The following FBXL7 variants were observed in gnomAD, a reference collection of about 807,000 sequenced individuals.
FBXL7 encodes the protein F-box/LRR-repeat protein 7.
Under a neutral mutation model 38.3 loss-of-function variants are expected in FBXL7, and 12 were observed. That is an observed-to-expected ratio of 0.31 (90% CI 0.20 to 0.51). The LOEUF is 0.51. FBXL7 is among the 20% of genes least tolerant of loss of function. The pLI is 0.98. For missense variants in FBXL7, 567 were observed against 676.4 expected (o/e 0.84, Z 1.79); for synonymous variants, 297 against 300.9 (o/e 0.99, Z 0.13).
At chr5:15,634,313 CTTTTTTTTTTTT>C (rs57823645) in intron 2 of FBXL7, among the ~76,000 whole-genome samples, 6 of 112,272 alleles carry the variant, frequency 5.3e-5, no homozygotes, top group South Asian at 3.2e-4. Context: ...ATGTTCGTTT[CTTTTTTTTTTTT>C]TTTTTTTTTT....
chr5:15,658,111 C>T (rs1423494149), intron 2 of FBXL7, among the ~76,000 whole-genome samples: 1 of 152,092 alleles, frequency 6.6e-6, no homozygotes, highest in Non-Finnish European at 1.5e-5. Context: ...CTGTGGGAAT[C>T]AGCAATGGAA....
At chr5:15,546,472 C>T (rs891680378) in intron 1 of FBXL7, among the ~76,000 whole-genome samples, 2 of 152,182 alleles carry the variant, frequency 1.3e-5, no homozygotes, top group South Asian at 2.1e-4. Flanking sequence ...GAGGCTGAGG[C>T]AGGAGAAATG....
chr5:15,684,599 G>A (rs1240529355), intron 2 of FBXL7, among the ~76,000 whole-genome samples: 1 of 152,218 alleles, frequency 6.6e-6, no homozygotes, highest in African/African-American at 2.4e-5. Flanking sequence ...ATTGGCCTTG[G>A]ATTATCCAGG....
In FBXL7 at chr5:15,917,938, T is replaced by C. The variant is rs1174870933; in HGVS notation, c.128-9952T>C. 2.0e-5 allele frequency among the ~76,000 whole-genome samples: 3 copies of C among 152,272 alleles called. No homozygotes were observed. In the East Asian group the frequency reaches 5.8e-4, roughly 29 times the overall value. ...TGAAAATGAAACTTCCTGCTTTCCA[T>C]TAAAGAGTAAATATTACAGGCCACA... On this transcript the variant is annotated intron_variant, in intron 2 of 3. Coordinates refer to ENST00000504595, the MANE Select transcript of FBXL7 (RefSeq NM_012304.5).
At chr5:15,523,803 C>T (rs115208949) in intron 1 of FBXL7, among the ~76,000 whole-genome samples, 1,919 of 152,274 alleles carry the variant, frequency 0.013, 21 homozygotes, top group Middle Eastern at 0.027. Flanking sequence ...CATCCTCTTG[C>T]CCCAGATGGA....
At chr5:15,526,785 C>G (rs1191158179) in intron 1 of FBXL7, among the ~76,000 whole-genome samples, 2 of 152,154 alleles carry the variant, frequency 1.3e-5, no homozygotes, top group East Asian at 3.9e-4. Context: ...ATTAAGGGGT[C>G]TAAAAGTTTA....
At chr5:15,739,442 G>T (rs1383078603) in intron 2 of FBXL7, among the ~76,000 whole-genome samples, 2 of 152,182 alleles carry the variant, frequency 1.3e-5, no homozygotes, top group Non-Finnish European at 2.9e-5. Flanking sequence ...AGTTCAGTGG[G>T]TTTTAGTGTA....
intron 2 of FBXL7, among the ~76,000 whole-genome samples, chr5:15,741,441 A>AT (rs895236255): frequency 7.2e-5 from 11 of 151,984 alleles, no homozygotes; most frequent in East Asian, 3.9e-4. Flanking sequence ...TAAAAAATGA[A>AT]TTTTTTTTAC....
At chr5:15,884,442 A>G (rs919355831) in intron 2 of FBXL7, among the ~76,000 whole-genome samples, 1 of 151,714 alleles carries the variant, frequency 6.6e-6, no homozygotes, top group African/African-American at 2.4e-5. Context: ...AATTTTTTGT[A>G]TTTTTAGTAG....
At chr5:15,767,512 T>A (rs1386138871) in intron 2 of FBXL7, among the ~76,000 whole-genome samples, 2 of 152,076 alleles carry the variant, frequency 1.3e-5, no homozygotes, top group Admixed American at 6.6e-5. Context: ...AGTGTGTACA[T>A]CTTGATTGTA....
At chr5:15,586,731 C>T (rs569614070) in intron 1 of FBXL7, among the ~76,000 whole-genome samples, 18 of 152,300 alleles carry the variant, frequency 1.2e-4, no homozygotes, top group Non-Finnish European at 1.8e-4. Context: ...CTAAACTACA[C>T]ATAGAAGTCA....
At chr5:15,738,453 C>T (rs1428616317) in intron 2 of FBXL7, among the ~76,000 whole-genome samples, 1 of 152,116 alleles carries the variant, frequency 6.6e-6, no homozygotes, top group Non-Finnish European at 1.5e-5. Flanking sequence ...TACTGGAAGA[C>T]CTTAGCATAC....
At chr5:15,697,238 G>A (rs1743369956) in intron 2 of FBXL7, among the ~76,000 whole-genome samples, 1 of 152,054 alleles carries the variant, frequency 6.6e-6, no homozygotes, top group South Asian at 2.1e-4. Context: ...TCTCTGGTTA[G>A]GTGAAGATTT....
chr5:15,842,152 G>A (rs766081880), intron 2 of FBXL7, among the ~76,000 whole-genome samples: 2 of 152,194 alleles, frequency 1.3e-5, no homozygotes, highest in African/African-American at 2.4e-5. Context: ...CAGCTGGGAG[G>A]GGGGCTGAAC....
chr5:15,651,681 A>C (rs59221558), intron 2 of FBXL7, among the ~76,000 whole-genome samples: 15,141 of 152,212 alleles, frequency 0.099, 819 homozygotes, highest in African/African-American at 0.15. Flanking sequence ...AGACAGAGTA[A>C]ATTTAGCATA....
chr5:15,692,934 C>A (rs1229856116), intron 2 of FBXL7, among the ~76,000 whole-genome samples: 2 of 152,136 alleles, frequency 1.3e-5, no homozygotes, highest in East Asian at 3.9e-4. Flanking sequence ...TAGACTCATT[C>A]CCTTTCTGCT....
chr5:15,606,875 A>G (rs1740043194), intron 1 of FBXL7: 2 of 152,150 alleles, frequency 1.3e-5, no homozygotes, highest in Non-Finnish European at 2.9e-5. Flanking sequence ...GAAGTCATCT[A>G]TTTAATCACT....
At chr5:15,743,367 G>A (rs1299791644) in intron 2 of FBXL7, among the ~76,000 whole-genome samples, 1 of 152,110 alleles carries the variant, frequency 6.6e-6, no homozygotes, top group Non-Finnish European at 1.5e-5. Context: ...AAAACAAAGG[G>A]GCTACAGGCC....
At chr5:15,676,641 G>A (rs1742663288) in intron 2 of FBXL7, among the ~76,000 whole-genome samples, 1 of 152,178 alleles carries the variant, frequency 6.6e-6, no homozygotes, top group Non-Finnish European at 1.5e-5. Context: ...GCCCTGCAAG[G>A]AGCTCATCTG....
Sources: allele counts gnomAD v4.1 joint callset (sites outside exome capture counted in the v4.1 genomes callset), GRCh38; gene constraint gnomAD v4.1.1; transcripts MANE v1.5; gene names NCBI Gene and HGNC (gene_info 2026-07-23, HGNC 2026-07-21).